The following MGME1 variants were observed in gnomAD, a reference collection of about 807,000 sequenced individuals.
MGME1 encodes chromosome 20 open reading frame 72.
In MGME1, 22 loss-of-function variants were observed where a neutral mutation model predicts 33.0. The observed-to-expected ratio is 0.67, with a 90% CI of 0.48 to 0.95. The LOEUF (loss-of-function observed/expected upper bound fraction) is 0.95. MGME1 is among the 40% of genes least tolerant of loss of function. The pLI is 0.00. For synonymous variants in MGME1, 133 were observed against 144.0 expected (o/e 0.92, Z 0.55); for missense variants, 383 against 397.8 (o/e 0.96, Z 0.32).
chr20:17,977,025 C>A (rs1419586387), intron 3 of MGME1, among the ~76,000 whole-genome samples: 1 of 151,936 alleles, frequency 6.6e-6, no homozygotes. Flanking sequence ...CCAAGTGTTA[C>A]AGGAAAGGGG....
intron 3 of MGME1, among the ~76,000 whole-genome samples, chr20:17,981,261 T>C (rs554779819): frequency 6.6e-6 from 1 of 152,340 alleles, no homozygotes; most frequent in East Asian, 1.9e-4. Flanking sequence ...CAGACATCTC[T>C]AGATACACAG....
At position 17,969,955 on chromosome 20, in the gene MGME1, T is replaced by C. The variant is rs1312737287; in HGVS notation, c.96T>C (p.Ser32=). ...CCCTTGTGGCTTTCTCTACTTCCTC[T>C]TACTCATGTGGCCGGAAGAAAAAAG... ...SAALVAFSTS[S]YSCGRKKKVN... Residue 32 remains serine, a synonymous_variant, in exon 2 of 5, where the codon TCT becomes TCC. Transcript: ENST00000377710. 1 of 1,614,228 alleles carries C rather than the reference T, an allele frequency of 6.2e-7. No individual in the cohort carries two copies.
At chr20:17,968,804 C>G (rs1211951909), upstream of MGME1, 1 of 260,472 alleles carries the variant, frequency 3.8e-6, no homozygotes, top group African/African-American at 2.3e-5. Context: ...GACCGCGTTT[C>G]GGTGCGGGGG....
chr20:17,975,763 T>C lies in MGME1; in HGVS notation c.591T>C (p.Asp197=), dbSNP rs890676256. ...LSPQETLKER[D]ENLLKSGYIE... ...CCCAGGAAACCTTAAAAGAGAGAGATGAAAATCTCCTCAAGTCTGGTTACA... is the reference window on the plus strand; with the variant it reads ...CCCAGGAAACCTTAAAAGAGAGAGACGAAAATCTCCTCAAGTCTGGTTACA... The change falls in exon 3 of 5, where the codon GAT becomes GAC. Residue 197 remains aspartate, a synonymous_variant. Coordinates refer to ENST00000377710, the MANE Select transcript of MGME1 (RefSeq NM_052865.4). 3 of 1,614,002 alleles carry C rather than the reference T, an allele frequency of 1.9e-6. No homozygotes were observed. The highest frequency in any genetic ancestry group is 1.1e-5 in the South Asian group (1 of 91,080).
intron 2 of MGME1, among the ~76,000 whole-genome samples, chr20:17,973,277 G>T (rs1271502008): frequency 6.6e-6 from 1 of 151,718 alleles, no homozygotes; most frequent in African/African-American, 2.4e-5. Context: ...CTGGGAGGTG[G>T]AGATTGCAGT....
intron 2 of MGME1, among the ~76,000 whole-genome samples, chr20:17,970,812 C>G (rs2035708766): frequency 6.6e-6 from 1 of 152,208 alleles, no homozygotes; most frequent in South Asian, 2.1e-4. Flanking sequence ...GACCTTGAAG[C>G]AGACCAGAAC....
intron 3 of MGME1, 135 bp downstream of exon 3, chr20:17,976,038 G>A (rs1041950526): frequency 7.1e-6 from 5 of 701,598 alleles, no homozygotes; most frequent in Admixed American, 2.4e-5. Flanking sequence ...TGGGTGGGGC[G>A]GGGTTGAGAA....
At chr20:17,977,910 C>G (rs1304954974) in intron 3 of MGME1, among the ~76,000 whole-genome samples, 1 of 152,252 alleles carries the variant, frequency 6.6e-6, no homozygotes, top group South Asian at 2.1e-4. Flanking sequence ...GCAGGTACCC[C>G]TAATCCAAAT....
intron 3 of MGME1, 52 bp downstream of exon 3, chr20:17,975,955 G>A: frequency 7.1e-7 from 1 of 1,402,164 alleles, no homozygotes; most frequent in Non-Finnish European, 1.0e-6. Flanking sequence ...GATGGTGCCT[G>A]TCAAAGGTGT....
chr20:17,989,513 A>G (rs1003436128), intron 4 of MGME1, among the ~76,000 whole-genome samples: 6 of 151,906 alleles, frequency 3.9e-5, no homozygotes, highest in African/African-American at 1.5e-4. Flanking sequence ...CCAGGAGTTC[A>G]AGACCAGCCT....
chr20:17,977,722 C>A (rs369666336), intron 3 of MGME1, among the ~76,000 whole-genome samples: 4 of 152,316 alleles, frequency 2.6e-5, no homozygotes, highest in African/African-American at 9.6e-5. Flanking sequence ...ACTCCCAAGT[C>A]TGGGTCTGTT....
At chr20:17,979,494 C>T (rs1379465463) in intron 3 of MGME1, among the ~76,000 whole-genome samples, 1 of 151,900 alleles carries the variant, frequency 6.6e-6, no homozygotes, top group African/African-American at 2.4e-5. Flanking sequence ...TCACTGCACG[C>T]TCCGCCTCGG....
At chr20:17,970,990 G>C (rs190591125) in intron 2 of MGME1, among the ~76,000 whole-genome samples, 1 of 152,340 alleles carries the variant, frequency 6.6e-6, no homozygotes, top group Non-Finnish European at 1.5e-5. Flanking sequence ...ATTGGCACTG[G>C]TGAATTAGCT....
chr20:17,971,302 C>T (rs1410345755), intron 2 of MGME1, among the ~76,000 whole-genome samples: 1 of 152,186 alleles, frequency 6.6e-6, no homozygotes, highest in East Asian at 1.9e-4. Context: ...AAGGCCTTTG[C>T]TCCTTATAAT....
chr20:17,986,276 C>T (rs1286777622), intron 3 of MGME1, among the ~76,000 whole-genome samples: 2 of 152,068 alleles, frequency 1.3e-5, no homozygotes, highest in Admixed American at 6.6e-5. Flanking sequence ...ACCATGTTGG[C>T]CAGGCTGGTC....
At chr20:17,981,395 T>C (rs1448984080) in intron 3 of MGME1, among the ~76,000 whole-genome samples, 1 of 152,228 alleles carries the variant, frequency 6.6e-6, no homozygotes, top group Non-Finnish European at 1.5e-5. Flanking sequence ...TTATTCATCT[T>C]TAAGATAAGA....
chr20:17,981,999 C>G (rs912055249), intron 3 of MGME1, among the ~76,000 whole-genome samples: 7 of 152,102 alleles, frequency 4.6e-5, no homozygotes, highest in Non-Finnish European at 1.0e-4. Flanking sequence ...TATGAATGAG[C>G]CTTACCCATT....
intron 4 of MGME1, among the ~76,000 whole-genome samples, chr20:17,989,266 G>C (rs1326262382): frequency 2.0e-5 from 3 of 151,640 alleles, no homozygotes; most frequent in Admixed American, 2.0e-4. Flanking sequence ...TGTGCCTCTA[G>C]TCCCACCTAC....
At chr20:17,969,414 A>G (rs2035650761) in intron 1 of MGME1, among the ~76,000 whole-genome samples, 2 of 152,246 alleles carry the variant, frequency 1.3e-5, no homozygotes, top group Non-Finnish European at 2.9e-5. Context: ...AATGAGAAGT[A>G]TCCACACAGA....
Sources: gnomAD v4.1 joint callset for allele counts (sites outside exome capture counted in the v4.1 genomes callset) on GRCh38, gnomAD v4.1.1 for gene constraint, MANE v1.5 for transcripts, NCBI Gene and HGNC (gene_info 2026-07-23, HGNC 2026-07-21) for gene names.